The following KCNIP4 variants were observed in gnomAD, a reference collection of about 807,000 sequenced individuals.
The protein encoded by KCNIP4 is Kv channel-interacting protein 4.
KCNIP4 carries 12 observed loss-of-function variants against 34.0 expected under a neutral mutation model. That is an observed-to-expected ratio of 0.35 (90% CI 0.23 to 0.57). KCNIP4 has a LOEUF of 0.57. KCNIP4 is among the 20% of genes least tolerant of loss of function. KCNIP4 has a pLI of 0.83. For synonymous variants in KCNIP4, 124 were observed against 102.2 expected (o/e 1.21, Z -1.29); for missense variants, 238 against 311.7 (o/e 0.76, Z 1.78).
intron 1 of KCNIP4, among the ~76,000 whole-genome samples, chr4:21,488,405 T>A (rs992442686): frequency 1.3e-5 from 2 of 152,186 alleles, no homozygotes; most frequent in African/African-American, 4.8e-5. Flanking sequence ...CTACCATTTT[T>A]AAATTATTTC....
chr4:21,461,523 T>C (rs116684652), intron 1 of KCNIP4, among the ~76,000 whole-genome samples: 2,011 of 152,102 alleles, frequency 0.013, 55 homozygotes, highest in African/African-American at 0.046. Context: ...AAGAAAAATC[T>C]TTCACTTACT....
intron 1 of KCNIP4, among the ~76,000 whole-genome samples, chr4:21,775,305 A>C (rs1719101429): frequency 6.6e-6 from 1 of 152,034 alleles, no homozygotes; most frequent in Non-Finnish European, 1.5e-5. Flanking sequence ...TCACTCAAGG[A>C]GGCTGGAAAA....
intron 1 of KCNIP4, among the ~76,000 whole-genome samples, chr4:21,381,120 G>A (rs919163189): frequency 1.3e-5 from 2 of 152,178 alleles, no homozygotes; most frequent in African/African-American, 4.8e-5. Flanking sequence ...GGGATGTTCT[G>A]TGCCTTCGTT....
At chr4:21,319,124 G>A (rs1156413649) in intron 1 of KCNIP4, among the ~76,000 whole-genome samples, 1 of 152,124 alleles carries the variant, frequency 6.6e-6, no homozygotes, top group Non-Finnish European at 1.5e-5. Context: ...CTGGCACTTA[G>A]GGCCTGCTCT....
In KCNIP4 at chr4:21,811,550, G is replaced by T. The variant is rs182190092; in HGVS notation, c.61+137021C>A. Among the ~76,000 whole-genome samples, 3 of 152,160 alleles carry T rather than the reference G, an allele frequency of 2.0e-5. No homozygotes were observed. The East Asian group carries it at 5.8e-4, about 29-fold the overall frequency. ...AACTCAAGCGAAGTGGGTAGGATTC[G>T]CTGAGCCTTCCACTCATGTTGTGAT... On this transcript the variant is annotated intron_variant, in intron 1 of 8. Coordinates refer to ENST00000382152, the MANE Select transcript of KCNIP4 (RefSeq NM_025221.6).
intron 1 of KCNIP4, among the ~76,000 whole-genome samples, chr4:21,056,857 G>C (rs1223029110): frequency 2.0e-5 from 3 of 152,120 alleles, no homozygotes; most frequent in African/African-American, 4.8e-5. Context: ...AGATTTCGAG[G>C]AAGTCATGAA....
chr4:20,849,321 AAGG>A (rs1720750568), intron 3 of KCNIP4, among the ~76,000 whole-genome samples: 1 of 152,028 alleles, frequency 6.6e-6, no homozygotes, highest in Non-Finnish European at 1.5e-5. Context: ...AGCCCAGGGC[AAGG>A]AGAAGGGGCT....
intron 1 of KCNIP4, among the ~76,000 whole-genome samples, chr4:21,241,252 G>C (rs913697941): frequency 6.6e-6 from 1 of 152,118 alleles, no homozygotes; most frequent in African/African-American, 2.4e-5. Flanking sequence ...AATTAATAGT[G>C]GTCAATTGGG....
intron 1 of KCNIP4, among the ~76,000 whole-genome samples, chr4:21,255,958 T>A (rs948598648): frequency 1.3e-5 from 2 of 152,050 alleles, no homozygotes; most frequent in Non-Finnish European, 2.9e-5. Flanking sequence ...AGTGAACCAG[T>A]CTGAATAAAT....
chr4:21,639,587 A>G (rs1391455913), intron 1 of KCNIP4, among the ~76,000 whole-genome samples: 1 of 152,188 alleles, frequency 6.6e-6, no homozygotes, highest in Non-Finnish European at 1.5e-5. Context: ...TAAATTGCAC[A>G]TAATGTTTCT....
At chr4:21,067,660 A>G (rs28537650) in intron 1 of KCNIP4, among the ~76,000 whole-genome samples, 3,548 of 152,218 alleles carry the variant, frequency 0.023, 125 homozygotes, top group African/African-American at 0.08. Context: ...GCCAGGCAGT[A>G]GTCACTGCAG....
intron 1 of KCNIP4, among the ~76,000 whole-genome samples, chr4:21,292,752 A>T (rs1366032483): frequency 6.6e-6 from 1 of 152,180 alleles, no homozygotes; most frequent in African/African-American, 2.4e-5. Flanking sequence ...TCAACTTCCC[A>T]TTATGGATAC....
At chr4:20,756,661 T>C (rs1754490021) in intron 4 of KCNIP4, among the ~76,000 whole-genome samples, 1 of 151,918 alleles carries the variant, frequency 6.6e-6, no homozygotes, top group Admixed American at 6.6e-5. Flanking sequence ...CACTCCCTAG[T>C]AGTTCATCCA....
At chr4:21,813,362 G>A (rs1721778533) in intron 1 of KCNIP4, among the ~76,000 whole-genome samples, 1 of 152,112 alleles carries the variant, frequency 6.6e-6, no homozygotes, top group Non-Finnish European at 1.5e-5. Flanking sequence ...TATTACCATA[G>A]ATTTTCCTGC....
At position 21,387,802 on chromosome 4, in the gene KCNIP4, A is replaced by G. The variant is rs114879252; in HGVS notation, c.62-505093T>C. On this transcript the variant is annotated intron_variant, in intron 1 of 8. Coordinates refer to ENST00000382152, the MANE Select transcript of KCNIP4 (RefSeq NM_025221.6). Reference sequence around the variant, plus strand: ...TAATTAAATAAAATAATGTCTATCAAAGGCATATCATAAAATACTTTGTAC... The same window carrying G: ...TAATTAAATAAAATAATGTCTATCAGAGGCATATCATAAAATACTTTGTAC... Among the ~76,000 whole-genome samples the G allele has an allele frequency of 7.5e-3, 1,138 of 152,292 alleles. 17 individuals are homozygous for G. The highest frequency in any genetic ancestry group is 0.026 in the African/African-American group (1,097 of 41,558).
Position 21,822,442 on chromosome 4 carries a change from T to C in KCNIP4, c.61+126129A>G, listed in dbSNP as rs142662525. ...ATAACCACAGGGTACTAATCCAAAA[T>C]GTCATCCAGGACTCCATGATAATAT... On this transcript the variant is annotated intron_variant, in intron 1 of 8. Coordinates refer to ENST00000382152, the MANE Select transcript of KCNIP4 (RefSeq NM_025221.6). 9.3e-3 allele frequency among the ~76,000 whole-genome samples: 1,412 copies of C among 152,262 alleles called. 16 individuals carry two copies. Among genetic ancestry groups the C allele is most frequent in the Non-Finnish European group, 0.012 (849 of 68,016 alleles).
At chr4:21,324,007 G>A (rs1408202618) in intron 1 of KCNIP4, among the ~76,000 whole-genome samples, 1 of 151,972 alleles carries the variant, frequency 6.6e-6, no homozygotes, top group Non-Finnish European at 1.5e-5. Context: ...CAGTGATGTT[G>A]AGCACTTTTC....
At chr4:21,026,904 G>T (rs945795667) in intron 1 of KCNIP4, among the ~76,000 whole-genome samples, 7 of 152,146 alleles carry the variant, frequency 4.6e-5, no homozygotes, top group Non-Finnish European at 5.9e-5. Flanking sequence ...CTTGCATGAG[G>T]CAGGAGACCT....
chr4:20,734,697 T>C lies in KCNIP4; in HGVS notation c.468A>G (p.Thr156=), dbSNP rs1451248655. The C allele has an allele frequency of 7.5e-6, 12 of 1,598,858 alleles. No homozygotes were observed. The highest frequency in any genetic ancestry group is 1.1e-5 in the South Asian group (1 of 87,808). The change falls in exon 6 of 9, where the codon ACA becomes ACG. Residue 156 remains threonine, a synonymous_variant. Coordinates refer to ENST00000382152, the MANE Select transcript of KCNIP4 (RefSeq NM_025221.6). ...ATGCCCAATTGAGTTTTTCTTGTAC[T>C]GTCCCCCGGAGCAAAATGGAAAGAC... ...IKGLSILLRG[T]VQEKLNWAFN... is the part of the protein sequence containing the mutation.
Sources: allele counts gnomAD v4.1 joint callset (sites outside exome capture counted in the v4.1 genomes callset), GRCh38; gene constraint gnomAD v4.1.1; transcripts MANE v1.5; gene names NCBI Gene and HGNC (gene_info 2026-07-23, HGNC 2026-07-21).